The following PPP1R9A variants were observed in gnomAD, a reference collection of about 807,000 sequenced individuals.
PPP1R9A encodes the protein neurabin-1.
PPP1R9A carries 59 observed loss-of-function variants against 141.9 expected under a neutral mutation model. The observed-to-expected ratio is 0.42, with a 90% CI of 0.34 to 0.52. The LOEUF (loss-of-function observed/expected upper bound fraction) is 0.52. Among genes scored for constraint, PPP1R9A ranks in the 20% least tolerant of loss-of-function variants. The pLI is 0.10. For missense variants in PPP1R9A, 1,444 were observed against 1,611.9 expected, an observed-to-expected ratio of 0.90 and a Z score of 1.78; for synonymous variants, 500 against 569.7, an observed-to-expected ratio of 0.88 and a Z score of 1.74.
chr7:94,985,711 G>A (rs1249887565), intron 2 of PPP1R9A, among the ~76,000 whole-genome samples: 3 of 151,702 alleles, frequency 2.0e-5, no homozygotes, highest in Non-Finnish European at 4.4e-5. Flanking sequence ...TTTATTTTGA[G>A]CCTGTGTGTG....
intron 2 of PPP1R9A, among the ~76,000 whole-genome samples, chr7:94,955,898 C>G (rs141765259): frequency 2.2e-4 from 33 of 152,194 alleles, no homozygotes; most frequent in African/African-American, 7.7e-4. Context: ...TCCTGTCTTG[C>G]TTTCTGTGTT....
In PPP1R9A at chr7:95,170,013, G is replaced by A. The variant is rs553131800; in HGVS notation, c.1754+8042G>A. Among the ~76,000 whole-genome samples, 30 of 149,796 alleles carry A rather than the reference G, an allele frequency of 2.0e-4. No homozygotes were observed. In the Middle Eastern group the frequency reaches 0.018, roughly 88 times the overall value. The stretch of plus-strand genomic sequence containing the variant: ...AAAAATACAATAAGGTAGCAAAAGG[G>A]CTGAGTATGATAAGTAGATACAGAA... On this transcript the variant is annotated intron_variant, in intron 5 of 19. Coordinates refer to ENST00000433360, the MANE Select transcript of PPP1R9A (RefSeq NM_001166160.2).
intron 12 of PPP1R9A, among the ~76,000 whole-genome samples, chr7:95,267,740 G>A (rs1159030448): frequency 6.6e-6 from 1 of 152,070 alleles, no homozygotes; most frequent in East Asian, 1.9e-4. Flanking sequence ...GAAAATCAGT[G>A]TCGTTTCTGG....
chr7:94,956,660 A>C (rs1797104447), intron 2 of PPP1R9A, among the ~76,000 whole-genome samples: 1 of 151,964 alleles, frequency 6.6e-6, no homozygotes, highest in South Asian at 2.1e-4. Context: ...GTGAGCTATG[A>C]TTGCGCTACT....
chr7:95,118,498 C>G (rs1821915530), intron 3 of PPP1R9A, among the ~76,000 whole-genome samples: 2 of 152,156 alleles, frequency 1.3e-5, no homozygotes, highest in Admixed American at 6.5e-5. Context: ...AGGGGAAACA[C>G]TGTAAAGATT....
At chr7:95,262,953 T>C (rs902375906) in intron 12 of PPP1R9A, among the ~76,000 whole-genome samples, 1 of 152,122 alleles carries the variant, frequency 6.6e-6, no homozygotes. Context: ...CCCCATACAA[T>C]ACTAAAATGA....
intron 2 of PPP1R9A, among the ~76,000 whole-genome samples, chr7:94,997,970 GT>G: frequency 6.6e-6 from 1 of 151,946 alleles, no homozygotes; most frequent in East Asian, 1.9e-4. Flanking sequence ...TTGTCTCAAT[GT>G]TTGAAAAAAA....
chr7:95,167,607 G>A (rs535368872), intron 5 of PPP1R9A, among the ~76,000 whole-genome samples: 4 of 152,164 alleles, frequency 2.6e-5, no homozygotes, highest in Non-Finnish European at 4.4e-5. Context: ...AATGTCAAAC[G>A]GTCCCTCTTT....
chr7:95,250,852 C>T (rs918969957), intron 10 of PPP1R9A, among the ~76,000 whole-genome samples: 23 of 152,220 alleles, frequency 1.5e-4, no homozygotes, highest in Non-Finnish European at 3.2e-4. Flanking sequence ...TTCTGAGCTA[C>T]TGCTCCTTTG....
intron 2 of PPP1R9A, among the ~76,000 whole-genome samples, chr7:94,996,288 A>T (rs1264661687): frequency 6.6e-6 from 1 of 152,204 alleles, no homozygotes; most frequent in Non-Finnish European, 1.5e-5. Flanking sequence ...CAGAACATAG[A>T]AAATATGCAT....
At chr7:94,919,909 T>C (rs1229787549) in intron 2 of PPP1R9A, among the ~76,000 whole-genome samples, 1 of 152,200 alleles carries the variant, frequency 6.6e-6, no homozygotes, top group African/African-American at 2.4e-5. Context: ...TTACCTGTAA[T>C]TGAGGCTGTC....
At chr7:94,999,281 T>C (rs982355190) in intron 2 of PPP1R9A, among the ~76,000 whole-genome samples, 1 of 152,186 alleles carries the variant, frequency 6.6e-6, no homozygotes, top group Non-Finnish European at 1.5e-5. Flanking sequence ...GTCTGCAGTC[T>C]GAATCTAAGA....
chr7:94,979,711 G>A (rs936138106), intron 2 of PPP1R9A, among the ~76,000 whole-genome samples: 2 of 152,144 alleles, frequency 1.3e-5, no homozygotes, highest in African/African-American at 2.4e-5. Context: ...GGTGGCTTAG[G>A]TGAAGGAGTA....
intron 4 of PPP1R9A, among the ~76,000 whole-genome samples, chr7:95,136,890 T>C (rs1458546514): frequency 6.6e-6 from 1 of 152,124 alleles, no homozygotes; most frequent in Non-Finnish European, 1.5e-5. Flanking sequence ...ACACAATATC[T>C]GGTAATATGT....
intron 5 of PPP1R9A, among the ~76,000 whole-genome samples, chr7:95,187,033 T>C (rs1834757667): frequency 6.6e-6 from 1 of 152,142 alleles, no homozygotes; most frequent in Non-Finnish European, 1.5e-5. Flanking sequence ...ATATGATGAT[T>C]TAGGGAGGAT....
At chr7:95,179,258 A>G (rs1226969915) in intron 5 of PPP1R9A, among the ~76,000 whole-genome samples, 1 of 152,184 alleles carries the variant, frequency 6.6e-6, no homozygotes, top group Non-Finnish European at 1.5e-5. Flanking sequence ...CATAAACAGA[A>G]TTAAAAACAA....
At chr7:95,141,137 G>A (rs545650689) in intron 4 of PPP1R9A, among the ~76,000 whole-genome samples, 1 of 152,184 alleles carries the variant, frequency 6.6e-6, no homozygotes, top group East Asian at 1.9e-4. Flanking sequence ...ATAAGGGTGA[G>A]GTGAAGTCAG....
chr7:94,991,412 A>G (rs1390705320), intron 2 of PPP1R9A, among the ~76,000 whole-genome samples: 2 of 151,984 alleles, frequency 1.3e-5, no homozygotes, highest in Non-Finnish European at 2.9e-5. Flanking sequence ...AGTTTCTTGT[A>G]TATTCTGGAT....
chr7:95,226,655 A>G lies in PPP1R9A; in HGVS notation c.2112+539A>G, dbSNP rs79479890. 5.3e-5 allele frequency among the ~76,000 whole-genome samples: 8 copies of G among 152,296 alleles called. No individual in the cohort carries two copies. The East Asian group carries it at 1.5e-3, about 29-fold the overall frequency. ...CAACATCTGCAGCTTTATAAGATGC[A>G]CAGCCACTGGTAAAAGCTGCATCCT... On this transcript the variant is annotated intron_variant, in intron 8 of 19. Transcript: ENST00000433360.
Sources: gnomAD v4.1 joint callset for allele counts (sites outside exome capture counted in the v4.1 genomes callset) on GRCh38, gnomAD v4.1.1 for gene constraint, MANE v1.5 for transcripts, NCBI Gene and HGNC (gene_info 2026-07-23, HGNC 2026-07-21) for gene names.